POM121: variants seen among roughly 807,000 people sequenced by gnomAD.
POM121 encodes nuclear envelope pore membrane protein POM 121.
POM121 carries 32 observed loss-of-function variants against 81.3 expected under a neutral mutation model. The observed-to-expected ratio is 0.39, with a 90% CI of 0.30 to 0.53. POM121 has a LOEUF of 0.53. Among genes scored for constraint, POM121 ranks in the 20% least tolerant of loss-of-function variants. POM121 has a pLI of 0.66. For missense variants in POM121, 1,138 were observed against 1,614.6 expected, an observed-to-expected ratio of 0.70 and a Z score of 5.06; for synonymous variants, 514 against 694.2, an observed-to-expected ratio of 0.74 and a Z score of 4.08.
In POM121 at chr7:72,914,461, C is replaced by T. The variant is rs782024164; in HGVS notation, c.-152+633C>T. ...TTAGTAACTGAAACAGACTTCACTT[C>T]TTTATACTCATTAAGGAATGAGACT... On this transcript the variant is annotated intron_variant, in intron 4 of 15. Coordinates refer to the POM121 transcript ENST00000395270. Among the ~76,000 whole-genome samples, 81 of 146,216 alleles carry T rather than the reference C, an allele frequency of 5.5e-4. No individual in the cohort carries two copies. The Middle Eastern group carries it at 0.014, about 26-fold the overall frequency.
At position 72,925,524 on chromosome 7, in the gene POM121, C is replaced by T; in HGVS notation, c.403C>T (p.Leu135=). The change falls in exon 1 of 13, where the codon CTA becomes TTA. Residue 135 remains leucine (L), a synonymous_variant. Coordinates refer to ENST00000434423, the MANE Select transcript of POM121 (RefSeq NM_001387691.1). The stretch of plus-strand genomic sequence containing the variant: ...CGAAGGACCTGACCCTGCGGAACTG[C>T]TACTCATGGGCAGTTACCTGGGCAA... The part of the protein sequence containing the change: ...LLEGPDPAEL[L]LMGSYLGKPG... 2 of 1,533,392 alleles carry T rather than the reference C, an allele frequency of 1.3e-6. No homozygotes were observed. Among genetic ancestry groups the T allele is most frequent in the East Asian group, 4.9e-5 (2 of 40,892 alleles). The allele number at this position is 1,533,392 out of a possible 1,614,324, so 95.0% of individuals were successfully genotyped here. A position where few individuals can be genotyped will look rare whatever the true frequency, so the allele number is the denominator to read the frequency against.
In POM121 at chr7:72,930,089, G is replaced by T; in HGVS notation, c.1253G>T (p.Ser418Ile). 6.2e-7 allele frequency: 1 copy of T among 1,612,670 alleles called. No homozygotes were observed. Among genetic ancestry groups the T allele is most frequent in the Non-Finnish European group, 8.5e-7 (1 of 1,179,260 alleles). Residue 418 changes from serine to isoleucine, a missense_variant, in exon 5 of 13, where the codon AGC (serine) becomes ATC (isoleucine). Physicochemically the swap from Ser to Ile is moderately radical, Grantham distance 142. Coordinates refer to ENST00000434423, the MANE Select transcript of POM121 (RefSeq NM_001387691.1). ...SSRNAITSSYSSTRGISQLWK... is the reference protein window; with the variant it reads ...SSRNAITSSYISTRGISQLWK... ...CGCAATGCCATTACCAGTTCCTACA[G>T]CTCCACTCGAGGCATCTCACAGGTA...
intron 3 of POM121, among the ~76,000 whole-genome samples, chr7:72,907,434 T>C (rs1339342164): frequency 1.3e-5 from 2 of 152,222 alleles, no homozygotes; most frequent in Non-Finnish European, 2.9e-5. Flanking sequence ...TACCGTCTTA[T>C]TGCTTTTTTA....
chr7:72,948,443 A>G (rs374035892), downstream of POM121: 159 of 1,613,464 alleles, frequency 9.9e-5, 1 homozygote, highest in South Asian at 5.5e-4. Flanking sequence ...GAGGACAGGC[A>G]TCTTCCTTTC....
chr7:72,900,084 T>G (rs371864267), intron 3 of POM121, among the ~76,000 whole-genome samples: 2,780 of 152,260 alleles, frequency 0.018, 57 homozygotes, highest in African/African-American at 0.056. Context: ...TTGTGCCCTG[T>G]AGAATTATTT....
chr7:72,888,831 T>A (rs1452907292), intron 1 of POM121, among the ~76,000 whole-genome samples: 2 of 152,158 alleles, frequency 1.3e-5, no homozygotes, highest in Admixed American at 1.3e-4. Flanking sequence ...GTTAATGAAG[T>A]ATCCATCAGT....
chr7:72,880,399 G>A (rs140022260), intron 1 of POM121, among the ~76,000 whole-genome samples: 3,748 of 152,232 alleles, frequency 0.025, 62 homozygotes, highest in Non-Finnish European at 0.038. Context: ...GAACCCAGGA[G>A]ACTTATCTTC....
Position 72,925,379 on chromosome 7 carries a change from G to A in POM121, c.258G>A (p.Ala86=). ...CCTTGTCCTCCTTCGTTCGGAAGGC[G>A]CGTCATCGGCGCCCCTTGTCCTCCT... The part of the protein sequence containing the change: ...SRPLSSFVRK[A]RHRRPLSSFV... The change falls in exon 1 of 13, where the codon GCG becomes GCA. Residue 86 remains alanine (A), a synonymous_variant. Coordinates refer to ENST00000434423, the MANE Select transcript of POM121 (RefSeq NM_001387691.1). 6.6e-7 allele frequency: 1 copy of A among 1,522,876 alleles called. No individual in the cohort carries two copies. Among genetic ancestry groups the A allele is most frequent in the Admixed American group, 2.0e-5 (1 of 50,770 alleles). The allele number at this position is 1,522,876 out of a possible 1,614,324, so 94.3% of individuals were successfully genotyped here.
chr7:72,945,946 C>G (rs1488750218), intron 12 of POM121, among the ~76,000 whole-genome samples, 191 bp from the exon 13 acceptor site: 1 of 152,086 alleles, frequency 6.6e-6, no homozygotes, highest in Non-Finnish European at 1.5e-5. Context: ...ATTCTTGGGC[C>G]TCGCTCTGAG....
intron 11 of POM121, among the ~76,000 whole-genome samples, chr7:72,944,679 G>T (rs1377618352): frequency 6.6e-6 from 1 of 152,134 alleles, no homozygotes; most frequent in Admixed American, 6.5e-5. Flanking sequence ...AGCTCAGGGG[G>T]TGCAGGAGTG....
chr7:72,902,906 C>T (rs374029981), intron 3 of POM121, among the ~76,000 whole-genome samples: 2 of 152,170 alleles, frequency 1.3e-5, no homozygotes, highest in Non-Finnish European at 2.9e-5. Context: ...TCCTTTAACT[C>T]TTTATTCATC....
chr7:72,881,066 C>CT (rs3973810), intron 1 of POM121, among the ~76,000 whole-genome samples: 1,168 of 47,218 alleles, frequency 0.025, 61 homozygotes, highest in Non-Finnish European at 0.039. Flanking sequence ...CCCTATCACT[C>CT]TTTTTTTTTT....
chr7:72,949,003 G>T (rs781966938), downstream of POM121: 2 of 1,608,904 alleles, frequency 1.2e-6, no homozygotes, highest in South Asian at 1.1e-5. Context: ...GAAAGTGAGC[G>T]CGTGGCACAG....
At chr7:72,940,117 T>G (rs1367079061) in intron 8 of POM121, 149 bp downstream of exon 8, 1 of 1,047,578 alleles carries the variant, frequency 9.5e-7, no homozygotes, top group Admixed American at 2.9e-5. Flanking sequence ...CAGGCTGGAG[T>G]GCAGTGGCTC....
chr7:72,922,720 T>C (rs1794929894), upstream of POM121, among the ~76,000 whole-genome samples: 2 of 152,092 alleles, frequency 1.3e-5, no homozygotes, highest in South Asian at 2.1e-4. Flanking sequence ...TAGTCATATT[T>C]ATCTATATTT....
chr7:72,917,062 TG>T (rs1794355593), intron 4 of POM121, among the ~76,000 whole-genome samples: 1 of 152,370 alleles, frequency 6.6e-6, no homozygotes, highest in East Asian at 1.9e-4. Context: ...GGCATTTAGA[TG>T]ATACTTCTCA....
chr7:72,940,128 G>A (rs1435683323), intron 8 of POM121, among the ~76,000 whole-genome samples, 160 bp downstream of exon 8: 2 of 148,018 alleles, frequency 1.4e-5, no homozygotes, highest in South Asian at 2.1e-4. Context: ...GCAGTGGCTC[G>A]ATTTTGGCTA....
At chr7:72,927,021 A>T (rs1795521169) in intron 3 of POM121, 58 bp downstream of exon 3, 1 of 1,611,618 alleles carries the variant, frequency 6.2e-7, no homozygotes, top group African/African-American at 1.3e-5. Flanking sequence ...ATGGGATGAG[A>T]TGTAGACATT....
At chr7:72,887,465 G>A (rs1790836359) in intron 1 of POM121, among the ~76,000 whole-genome samples, 1 of 152,112 alleles carries the variant, frequency 6.6e-6, no homozygotes, top group African/African-American at 2.4e-5. Flanking sequence ...AAGTTGATTG[G>A]TTCACCTTGT....
Sources: gnomAD v4.1 joint callset for allele counts (sites outside exome capture counted in the v4.1 genomes callset) on GRCh38, gnomAD v4.1.1 for gene constraint, MANE v1.5 for transcripts, NCBI Gene and HGNC (gene_info 2026-07-23, HGNC 2026-07-21) for gene names.